MED12L: variants seen among roughly 807,000 people sequenced by gnomAD.
MED12L encodes the protein mediator of RNA polymerase II transcription subunit 12-like protein.
MED12L carries 60 observed loss-of-function variants against 281.3 expected under a neutral mutation model. The ratio of observed to expected loss-of-function variants is 0.21; its 90% CI spans 0.17 to 0.26. The LOEUF (loss-of-function observed/expected upper bound fraction) is 0.26, where lower values mean the gene tolerates loss of function less well. MED12L is among the 10% of genes least tolerant of loss of function. The pLI, the probability that MED12L is intolerant of heterozygous loss-of-function variation, is 1.00. For missense variants in MED12L, 2,146 were observed against 2,680.9 expected, an observed-to-expected ratio of 0.80 and a Z score of 4.41; for synonymous variants, 974 against 987.2, an observed-to-expected ratio of 0.99 and a Z score of 0.25.
Position 151,364,850 on chromosome 3 carries a change from A to T in MED12L, c.2958-129A>T, listed in dbSNP as rs143600851. The T allele has an allele frequency of 2.3e-4, 154 of 658,490 alleles. 1 individual carries two copies. In the African/African-American group the frequency reaches 2.6e-3, roughly 11 times the overall value. The allele number at this position is 658,490 out of a possible 1,614,324, so 40.8% of individuals were successfully genotyped here. On this transcript the variant is annotated intron_variant, in intron 21 of 44. Transcript: ENST00000687756. ...CAATTAGTAAGAAGTTCTAATTAAG[A>T]ACTCATAATGTGAATCTTCTCTAGG...
chr3:151,328,290 T>C (rs759096971), intron 16 of MED12L: 3 of 1,614,010 alleles, frequency 1.9e-6, no homozygotes, highest in Non-Finnish European at 2.5e-6. Flanking sequence ...ACAAATACTT[T>C]GCCTTCCAGC....
In MED12L at chr3:151,355,913, A is replaced by G. The variant is rs776139714; in HGVS notation, c.2535A>G (p.Leu845=). ...QVTSQISNNV[L]EQITSFASGT... is the part of the protein sequence containing the mutation. ...TTGCACAGATTTCTAACAATGTGCTAGAACAAATCACAAGCTTTGCGTCAG... is the reference window on the plus strand; with the variant it reads ...TTGCACAGATTTCTAACAATGTGCTGGAACAAATCACAAGCTTTGCGTCAG... Residue 845 remains leucine, a synonymous_variant, in exon 19 of 45, where the codon CTA becomes CTG. Transcript: ENST00000687756. The G allele has an allele frequency of 9.9e-6, 16 of 1,613,618 alleles. No individual in the cohort carries two copies. Among genetic ancestry groups the G allele is most frequent in the Middle Eastern group, 1.7e-4 (1 of 6,054 alleles).
At chr3:151,262,803 C>T (rs1478640245) in intron 16 of MED12L, among the ~76,000 whole-genome samples, 5 of 152,062 alleles carry the variant, frequency 3.3e-5, no homozygotes, top group Non-Finnish European at 7.4e-5. Context: ...GTTCTAAATT[C>T]CTTATTTATA....
chr3:151,332,995 T>G (rs1261077063), intron 16 of MED12L, among the ~76,000 whole-genome samples: 2 of 152,172 alleles, frequency 1.3e-5, no homozygotes, highest in Admixed American at 1.3e-4. Context: ...CAACATCTGG[T>G]GTTTGGTTTC....
intron 16 of MED12L, among the ~76,000 whole-genome samples, chr3:151,284,633 G>T (rs1202550240): frequency 6.6e-6 from 1 of 152,146 alleles, no homozygotes; most frequent in Non-Finnish European, 1.5e-5. Context: ...TTGAGACAGA[G>T]TTTTCGCCCT....
rs375351785 is a variant in MED12L, at chr3:151,365,806, C to G, written c.3186-44C>G. ...AAGTATATCACAGGTGAGTATTTCT[C>G]TTTTGTACAAGGTTACTTTCTGTGT... On this transcript the variant is annotated intron_variant, in intron 22 of 44. Transcript: ENST00000687756. 2.5e-4 allele frequency: 382 copies of G among 1,519,992 alleles called. 1 individual carries two copies. The highest frequency in any genetic ancestry group is 3.1e-4 in the Non-Finnish European group (353 of 1,127,804). The allele number at this position is 1,519,992 out of a possible 1,614,324, so 94.2% of individuals were successfully genotyped here. A position where few individuals can be genotyped will look rare whatever the true frequency, so the allele number is the denominator to read the frequency against.
chr3:151,228,453 G>A (rs1447406529), intron 16 of MED12L, among the ~76,000 whole-genome samples: 1 of 151,992 alleles, frequency 6.6e-6, no homozygotes, highest in East Asian at 1.9e-4. Flanking sequence ...GCTCCTGACA[G>A]TTTCCCCTCT....
chr3:151,295,008 GAT>G (rs1300293574), intron 16 of MED12L: 1 of 1,613,300 alleles, frequency 6.2e-7, no homozygotes, highest in Non-Finnish European at 8.5e-7. Context: ...ATGTTTTTGA[GAT>G]AGAATATGAA....
rs1178171288 is a variant in MED12L, at chr3:151,434,917, A to C, written c.*2113A>C. On this transcript the variant is annotated 3_prime_UTR_variant, in exon 45 of 45. Transcript: ENST00000687756. ...ATCTTTTTTCTTTTTTTAGGTGAGG[A>C]AGTTATGCTACGACTCTAATTAATT... 1 of 152,152 alleles carries C rather than the reference A, an allele frequency of 6.6e-6. No individual in the cohort carries two copies. The highest frequency in any genetic ancestry group is 1.5e-5 in the Non-Finnish European group (1 of 68,036). 9.4% of individuals were successfully genotyped at this position (152,152 alleles called of 1,614,324 possible).
intron 16 of MED12L, chr3:151,219,486 A>G (rs528161916): frequency 6.6e-6 from 1 of 152,302 alleles, no homozygotes; most frequent in South Asian, 2.1e-4. Context: ...TAGCACTTCG[A>G]TGAAATTAAC....
chr3:151,152,143 A>G (rs983904518), intron 5 of MED12L, among the ~76,000 whole-genome samples: 3 of 113,576 alleles, frequency 2.6e-5, no homozygotes, highest in African/African-American at 1.0e-4. Context: ...TCGGTTGCCC[A>G]GGCTGGAGTG....
At chr3:151,357,146 A>C in intron 19 of MED12L, 67 bp from the exon 20 acceptor site, 1 of 1,362,948 alleles carries the variant, frequency 7.3e-7, no homozygotes, top group Non-Finnish European at 1.0e-6. Context: ...TATGGTTTAT[A>C]AAAATAAATG....
intron 5 of MED12L, among the ~76,000 whole-genome samples, chr3:151,147,422 G>GT (rs1225638037): frequency 1.3e-5 from 2 of 152,178 alleles, no homozygotes; most frequent in African/African-American, 4.8e-5. Context: ...TACGGTCAGT[G>GT]TTTTTTAGCA....
intron 2 of MED12L, among the ~76,000 whole-genome samples, chr3:151,095,132 T>C (rs1720543868): frequency 2.0e-5 from 3 of 152,234 alleles, no homozygotes. Context: ...GAAGTAGCAT[T>C]GTAAACTTAA....
intron 25 of MED12L, 47 bp downstream of exon 25, chr3:151,368,298 A>C: frequency 6.5e-7 from 1 of 1,528,210 alleles, no homozygotes; most frequent in Non-Finnish European, 9.1e-7. Flanking sequence ...TTGGTAGCTA[A>C]AGTTTCTAAA....
intron 16 of MED12L, among the ~76,000 whole-genome samples, chr3:151,274,459 A>G (rs1344589741): frequency 6.6e-6 from 1 of 152,108 alleles, no homozygotes; most frequent in African/African-American, 2.4e-5. Flanking sequence ...GAGGCAGTGA[A>G]ATCCTTGTGC....
intron 16 of MED12L, chr3:151,198,564 C>T (rs763991353): frequency 1.9e-6 from 3 of 1,614,092 alleles, no homozygotes; most frequent in Non-Finnish European, 1.7e-6. Flanking sequence ...AGGTTCGACA[C>T]AGCCAGGAGC....
At chr3:151,225,201 C>G (rs903466485) in intron 16 of MED12L, among the ~76,000 whole-genome samples, 4 of 152,184 alleles carry the variant, frequency 2.6e-5, no homozygotes, top group Non-Finnish European at 5.9e-5. Flanking sequence ...CCCTCGACTT[C>G]ACAGAAGTTG....
At chr3:151,118,730 G>A (rs534455588) in intron 3 of MED12L, among the ~76,000 whole-genome samples, 4 of 149,814 alleles carry the variant, frequency 2.7e-5, no homozygotes, top group South Asian at 4.2e-4. Context: ...GTCTTGCTCC[G>A]TCGCCCAGGC....
Sources: gnomAD v4.1 joint callset for allele counts (sites outside exome capture counted in the v4.1 genomes callset) on GRCh38, gnomAD v4.1.1 for gene constraint, MANE v1.5 for transcripts, NCBI Gene and HGNC (gene_info 2026-07-23, HGNC 2026-07-21) for gene names.